Variants in MND1 observed in about 807,000 individuals in gnomAD.
MND1 encodes meiotic nuclear division protein 1 homolog.
MND1 carries 28 observed loss-of-function variants against 35.1 expected under a neutral mutation model. The ratio of observed to expected loss-of-function variants is 0.80; its 90% confidence interval spans 0.59 to 1.09. The LOEUF is 1.09. Ranked by LOEUF, MND1 falls within the 50% of genes least tolerant of loss-of-function variation. The pLI is 0.00. For synonymous variants in MND1, 69 were observed against 70.5 expected (o/e 0.98, Z 0.11); for missense variants, 213 against 239.6 (o/e 0.89, Z 0.73).
chr4:153,383,177 G>A (rs1728755513), intron 4 of MND1, among the ~76,000 whole-genome samples: 1 of 152,202 alleles, frequency 6.6e-6, no homozygotes, highest in Non-Finnish European at 1.5e-5. Context: ...ACAAAAGTGA[G>A]AGAACAAGAG....
At position 153,408,912 on chromosome 4, in the gene MND1, G is replaced by GTATATATATA. The variant is rs10552163; in HGVS notation, c.467-46_467-37dup. The GTATATATATA allele has an allele frequency of 1.4e-3, 434 of 318,372 alleles. 1 individual carries two copies. The highest frequency in any genetic ancestry group is 6.8e-3 in the African/African-American group (270 of 39,822). 19.7% of individuals were successfully genotyped at this position (318,372 alleles called of 1,614,324 possible). A position where few individuals can be genotyped will look rare whatever the true frequency, so the allele number is the denominator to read the frequency against. On this transcript the variant is annotated intron_variant, in intron 6 of 7. Transcript: ENST00000240488. The stretch of plus-strand genomic sequence containing the variant: ...TACATAGCTAAAGATCATTTTGTGT[G>GTATATATATA]TATATATATATATATATATATAAAT...
chr4:153,383,833 T>C (rs546404520), intron 4 of MND1, among the ~76,000 whole-genome samples: 8 of 152,326 alleles, frequency 5.3e-5, no homozygotes, highest in Non-Finnish European at 1.5e-5. Flanking sequence ...CAGTTTCTTG[T>C]TTTTTATTTT....
intron 4 of MND1, among the ~76,000 whole-genome samples, chr4:153,386,567 T>C (rs1373207699): frequency 6.6e-6 from 1 of 151,876 alleles, no homozygotes. Flanking sequence ...AATACAAAAA[T>C]TAGTCAGGCG....
chr4:153,345,664 G>T (rs1773060198), intron 1 of MND1, among the ~76,000 whole-genome samples: 1 of 152,224 alleles, frequency 6.6e-6, no homozygotes, highest in Non-Finnish European at 1.5e-5. Flanking sequence ...TTACGTGGCC[G>T]TTAAATGTTG....
chr4:153,361,501 AG>A (rs1231358211), intron 4 of MND1: 2 of 456,104 alleles, frequency 4.4e-6, no homozygotes, highest in Non-Finnish European at 8.8e-6. Flanking sequence ...CCTCTTCTTT[AG>A]GACCCTGGCT....
Position 153,369,431 on chromosome 4 carries a change from C to T in MND1, c.276+10809C>T, listed in dbSNP as rs188240969. Among the ~76,000 whole-genome samples, 768 of 152,182 alleles carry T rather than the reference C, an allele frequency of 5.0e-3. 5 individuals are homozygous for T. Among genetic ancestry groups the T allele is most frequent in the African/African-American group, 0.017 (726 of 41,504 alleles). On this transcript the variant is annotated intron_variant, in intron 4 of 7. Coordinates refer to ENST00000240488, the MANE Select transcript of MND1 (RefSeq NM_032117.4). ...AGATATTGCAGGTTCAGTTCCATAC[C>T]ACCACAATAAAGGGAATAATGCAAT... is the stretch of plus-strand genomic sequence containing the variant.
At chr4:153,412,611 T>C (rs1227864359) in intron 7 of MND1, among the ~76,000 whole-genome samples, 1 of 150,684 alleles carries the variant, frequency 6.6e-6, no homozygotes, top group East Asian at 1.9e-4. Context: ...GCCTTCCGAG[T>C]AGCTGGGATT....
intron 4 of MND1, among the ~76,000 whole-genome samples, chr4:153,365,598 C>G (rs1320831208): frequency 6.8e-6 from 1 of 146,846 alleles, no homozygotes. Flanking sequence ...AAGAGAGGAT[C>G]TTTTTTTTTT....
chr4:153,366,371 TGTG>T (rs1467155414), intron 4 of MND1, among the ~76,000 whole-genome samples: 1 of 152,226 alleles, frequency 6.6e-6, no homozygotes, highest in Non-Finnish European at 1.5e-5. Context: ...CCACAGCAGT[TGTG>T]GATGAATTTT....
At chr4:153,348,583 T>G (rs571548517) in intron 1 of MND1, among the ~76,000 whole-genome samples, 57 of 152,250 alleles carry the variant, frequency 3.7e-4, no homozygotes, top group South Asian at 1.0e-3. Flanking sequence ...TTTAAGCTAT[T>G]TATTTACCCA....
At chr4:153,370,055 G>T (rs2149639897) in intron 4 of MND1, among the ~76,000 whole-genome samples, 1 of 152,152 alleles carries the variant, frequency 6.6e-6, no homozygotes, top group African/African-American at 2.4e-5. Flanking sequence ...GCTGAGGCAG[G>T]CGGATCACTT....
chr4:153,380,019 C>G (rs1037670038), intron 4 of MND1, among the ~76,000 whole-genome samples: 4 of 151,780 alleles, frequency 2.6e-5, no homozygotes, highest in African/African-American at 9.7e-5. Flanking sequence ...CGACCCTATC[C>G]CCCCATACCA....
At chr4:153,354,499 G>A (rs1436915553) in intron 2 of MND1, among the ~76,000 whole-genome samples, 1 of 151,946 alleles carries the variant, frequency 6.6e-6, no homozygotes, top group Non-Finnish European at 1.5e-5. Flanking sequence ...TTTTTGTTTT[G>A]TTTTGTTTTG....
At chr4:153,399,116 C>T (rs1275838517) in intron 6 of MND1, among the ~76,000 whole-genome samples, 2 of 152,160 alleles carry the variant, frequency 1.3e-5, no homozygotes, top group Admixed American at 6.6e-5. Flanking sequence ...AAATCGGACC[C>T]TTCATTTACT....
chr4:153,374,170 G>C (rs1163463974), intron 4 of MND1, among the ~76,000 whole-genome samples: 1 of 152,150 alleles, frequency 6.6e-6, no homozygotes, highest in East Asian at 1.9e-4. Flanking sequence ...GGTACTTTAG[G>C]CAGTCAGTAT....
chr4:153,379,476 G>A (rs1042014853), intron 4 of MND1, among the ~76,000 whole-genome samples: 4 of 151,994 alleles, frequency 2.6e-5, no homozygotes, highest in African/African-American at 9.7e-5. Context: ...AGGCCAAGAT[G>A]AGGATGGCTT....
At chr4:153,396,264 A>G (rs1729195074) in intron 5 of MND1, among the ~76,000 whole-genome samples, 1 of 152,136 alleles carries the variant, frequency 6.6e-6, no homozygotes, top group Non-Finnish European at 1.5e-5. Flanking sequence ...AAGAGTGCAG[A>G]TCTAGAAAGT....
chr4:153,354,345 C>T (rs1773290608), intron 2 of MND1, among the ~76,000 whole-genome samples: 1 of 152,158 alleles, frequency 6.6e-6, no homozygotes, highest in African/African-American at 2.4e-5. Context: ...GCCTGTTTCG[C>T]TTTTAGTTAG....
intron 4 of MND1, among the ~76,000 whole-genome samples, chr4:153,374,115 T>C (rs561820994): frequency 6.6e-6 from 1 of 152,292 alleles, no homozygotes; most frequent in East Asian, 1.9e-4. Flanking sequence ...TACACCTACT[T>C]CAAGGCGGTT....
Sources: gnomAD v4.1 joint callset for allele counts (sites outside exome capture counted in the v4.1 genomes callset) on GRCh38, gnomAD v4.1.1 for gene constraint, MANE v1.5 for transcripts, NCBI Gene and HGNC (gene_info 2026-07-23, HGNC 2026-07-21) for gene names.